The following AKAP7 variants were observed in gnomAD, a reference collection of about 807,000 sequenced individuals.
The protein encoded by AKAP7 is A-kinase anchoring protein 7.
AKAP7 carries 39 observed loss-of-function variants against 39.5 expected under a neutral mutation model. The observed-to-expected ratio is 0.99, with a 90% confidence interval of 0.76 to 1.29. The LOEUF is 1.29. AKAP7 is among the 50% of genes most tolerant of loss of function. The pLI is 0.00. For synonymous variants in AKAP7, 140 were observed against 139.1 expected, an observed-to-expected ratio of 1.01 and a Z score of -0.05; for missense variants, 414 against 407.7, an observed-to-expected ratio of 1.02 and a Z score of -0.13.
chr6:131,205,053 G>A (rs1286260495), intron 6 of AKAP7, among the ~76,000 whole-genome samples: 1 of 152,114 alleles, frequency 6.6e-6, no homozygotes, highest in African/African-American at 2.4e-5. Context: ...TGGTAAAAAG[G>A]GGTGTGCTGT....
At chr6:131,141,631 C>G (rs867369869) in intron 1 of AKAP7, among the ~76,000 whole-genome samples, 18 of 152,052 alleles carry the variant, frequency 1.2e-4, no homozygotes, top group African/African-American at 4.1e-4. Context: ...CAGAAGAAGA[C>G]AGGAAGATGA....
chr6:131,232,746 C>T (rs1457697757), intron 7 of AKAP7, among the ~76,000 whole-genome samples: 1 of 151,992 alleles, frequency 6.6e-6, no homozygotes, highest in African/African-American at 2.4e-5. Flanking sequence ...GAGCTGAGAT[C>T]ACCCCACCGC....
intron 5 of AKAP7, chr6:131,185,021 G>A: frequency 2.7e-6 from 2 of 753,728 alleles, no homozygotes; most frequent in Non-Finnish European, 5.0e-6. Flanking sequence ...CTGGTTCTAG[G>A]ATCCGCTTTC....
chr6:131,141,781 T>C (rs1415416985), intron 1 of AKAP7, among the ~76,000 whole-genome samples: 2 of 152,196 alleles, frequency 1.3e-5, no homozygotes, highest in Non-Finnish European at 2.9e-5. Flanking sequence ...AACGTCTCTA[T>C]GTTATGCCCT....
At chr6:131,185,463 T>C (rs1805747891) in intron 5 of AKAP7, 1 of 387,746 alleles carries the variant, frequency 2.6e-6, no homozygotes, top group Non-Finnish European at 4.9e-6. Context: ...GGAACTTCAT[T>C]GCATTCACCA....
intron 7 of AKAP7, among the ~76,000 whole-genome samples, chr6:131,227,777 G>A (rs2128303613): frequency 6.6e-6 from 1 of 152,266 alleles, no homozygotes. Flanking sequence ...AGACTTTATG[G>A]GCTGAAACAC....
chr6:131,211,369 C>T (rs1157959243), intron 6 of AKAP7, among the ~76,000 whole-genome samples: 2 of 151,968 alleles, frequency 1.3e-5, no homozygotes, highest in Non-Finnish European at 2.9e-5. Context: ...AAAGAAAAGG[C>T]TGGGTGGAAA....
At chr6:131,207,623 C>T (rs1172040116) in intron 6 of AKAP7, among the ~76,000 whole-genome samples, 1 of 150,182 alleles carries the variant, frequency 6.7e-6, no homozygotes, top group African/African-American at 2.5e-5. Flanking sequence ...ATGTGAGCAA[C>T]TGCACCCAGC....
chr6:131,223,215 G>A lies in AKAP7; in HGVS notation c.850+3407G>A, dbSNP rs2128300244. Among the ~76,000 whole-genome samples, 3 of 152,216 alleles carry A rather than the reference G, an allele frequency of 2.0e-5. No individual in the cohort carries two copies. The South Asian group carries it at 6.2e-4, about 32-fold the overall frequency. ...ATGTTTGCTTTATTGCAATAGTCTGGAACTAACCCATAATACCTCTGAGGT... is the reference window on the plus strand; with the variant it reads ...ATGTTTGCTTTATTGCAATAGTCTGAAACTAACCCATAATACCTCTGAGGT... On this transcript the variant is annotated intron_variant, in intron 7 of 7. Coordinates refer to ENST00000431975, the MANE Select transcript of AKAP7 (RefSeq NM_016377.4).
chr6:131,280,269 T>C (rs1440643956), intron 7 of AKAP7, among the ~76,000 whole-genome samples: 3 of 152,142 alleles, frequency 2.0e-5, no homozygotes, highest in African/African-American at 7.2e-5. Context: ...TTCCCACTAT[T>C]AGTGTTTCTA....
At chr6:131,259,726 GAGA>G (rs765032794) in intron 7 of AKAP7, among the ~76,000 whole-genome samples, 34 of 152,192 alleles carry the variant, frequency 2.2e-4, no homozygotes, top group Non-Finnish European at 4.3e-4. Flanking sequence ...AATTGCCTGA[GAGA>G]AGATTTTTTA....
chr6:131,279,795 G>A (rs1047584247), intron 7 of AKAP7, among the ~76,000 whole-genome samples: 2 of 152,130 alleles, frequency 1.3e-5, no homozygotes, highest in Non-Finnish European at 2.9e-5. Context: ...AGCACAAGTA[G>A]GATGGCAGAT....
At chr6:131,197,923 A>G (rs903645855) in intron 5 of AKAP7, among the ~76,000 whole-genome samples, 6 of 152,216 alleles carry the variant, frequency 3.9e-5, no homozygotes, top group African/African-American at 1.4e-4. Flanking sequence ...TGGTGATCAG[A>G]CAAAGAAACA....
At chr6:131,217,832 G>A (rs1809325392) in intron 6 of AKAP7, among the ~76,000 whole-genome samples, 1 of 152,084 alleles carries the variant, frequency 6.6e-6, no homozygotes, top group Non-Finnish European at 1.5e-5. Context: ...GAAAATTGAA[G>A]GTTCTTATTT....
chr6:131,211,512 TC>T (rs1808635958), intron 6 of AKAP7, among the ~76,000 whole-genome samples: 2 of 151,820 alleles, frequency 1.3e-5, no homozygotes, highest in Non-Finnish European at 2.9e-5. Context: ...ACGCCTGTAA[TC>T]CCAGCACTTT....
At chr6:131,269,909 A>T (rs1053409115) in intron 7 of AKAP7, among the ~76,000 whole-genome samples, 3 of 152,178 alleles carry the variant, frequency 2.0e-5, no homozygotes, top group Admixed American at 1.3e-4. Context: ...GATTACAGAT[A>T]TTACAGTTGA....
At chr6:131,265,906 G>A (rs1428349417) in intron 7 of AKAP7, among the ~76,000 whole-genome samples, 1 of 152,196 alleles carries the variant, frequency 6.6e-6, no homozygotes, top group Non-Finnish European at 1.5e-5. Flanking sequence ...ACGTCTGTTT[G>A]TTATTACTAA....
chr6:131,158,328 C>T (rs773544623), intron 2 of AKAP7, among the ~76,000 whole-genome samples: 1 of 151,698 alleles, frequency 6.6e-6, no homozygotes, highest in East Asian at 1.9e-4. Flanking sequence ...TTTCACAATC[C>T]TTCTTAAGGC....
upstream of AKAP7, among the ~76,000 whole-genome samples, chr6:131,135,016 C>T (rs1800421872): frequency 6.6e-6 from 1 of 152,196 alleles, no homozygotes; most frequent in African/African-American, 2.4e-5. Context: ...AACATAACAT[C>T]ATTGTTAAAA....
Sources: gnomAD v4.1 joint callset for allele counts (sites outside exome capture counted in the v4.1 genomes callset) on GRCh38, gnomAD v4.1.1 for gene constraint, MANE v1.5 for transcripts, NCBI Gene and HGNC (gene_info 2026-07-23, HGNC 2026-07-21) for gene names.